ZDHHC7: variants seen among roughly 807,000 people sequenced by gnomAD.
The protein encoded by ZDHHC7 is zDHHC palmitoyltransferase 7, also known as palmitoyltransferase ZDHHC7.
In ZDHHC7, 12 loss-of-function variants were observed where a neutral mutation model predicts 34.1. The ratio of observed to expected loss-of-function variants is 0.35; its 90% CI spans 0.23 to 0.57. The LOEUF (loss-of-function observed/expected upper bound fraction) is 0.57, where lower values mean the gene tolerates loss of function less well. Ranked by LOEUF, ZDHHC7 falls within the 20% of genes least tolerant of loss-of-function variation. The pLI, the probability that ZDHHC7 is intolerant of heterozygous loss-of-function variation, is 0.84. For synonymous variants in ZDHHC7, 185 were observed against 155.4 expected (o/e 1.19, Z -1.42); for missense variants, 388 against 402.7 (o/e 0.96, Z 0.31).
chr16:85,000,124 G>T (rs1400253674), intron 1 of ZDHHC7, among the ~76,000 whole-genome samples: 1 of 152,056 alleles, frequency 6.6e-6, no homozygotes, highest in East Asian at 1.9e-4. Context: ...TGGGCAACAA[G>T]CAAGACCCTG....
Position 84,977,945 on chromosome 16 carries a change from A to G in ZDHHC7, c.598T>C (p.Cys200Arg). ...TTACCAGTCCACTGCCCTCGGACAC[A>G]GGAGATGAACTGAAATCCACAAAGG... ...LILCGFQFISCVRGQWTECSD... is the reference protein window; with the variant it reads ...LILCGFQFISRVRGQWTECSD... Residue 200 changes from cysteine (C) to arginine (R), a missense_variant, in exon 6 of 8, where the codon TGT (cysteine) becomes CGT (arginine). By Grantham distance (180) the Cys-to-Arg change is radical. Coordinates refer to ENST00000313732, the MANE Select transcript of ZDHHC7 (RefSeq NM_017740.3). 1 of 1,614,102 alleles carries G rather than the reference A, an allele frequency of 6.2e-7. No homozygotes were observed. The highest frequency in any genetic ancestry group is 8.5e-7 in the Non-Finnish European group (1 of 1,179,934).
chr16:84,998,142 C>T (rs6564090), intron 1 of ZDHHC7, among the ~76,000 whole-genome samples: 94,733 of 149,020 alleles, frequency 0.64, 32,109 homozygotes, highest in African/African-American at 0.88. Flanking sequence ...CGGGCGCCTG[C>T]AGTCCCAGCT....
chr16:85,017,849 A>G, the ZDHHC7 span, among the ~76,000 whole-genome samples: 2 of 152,192 alleles, frequency 1.3e-5, no homozygotes, highest in African/African-American at 4.8e-5. Context: ...GGCGGACTCA[A>G]AAGTCACGTG....
intron 1 of ZDHHC7, chr16:85,004,891 G>C (rs2072699185): frequency 1.3e-5 from 2 of 148,356 alleles, no homozygotes; most frequent in Non-Finnish European, 3.0e-5. Context: ...GAAAGAGGGA[G>C]ACGGGGGTGA....
intron 1 of ZDHHC7, among the ~76,000 whole-genome samples, chr16:85,010,708 G>A (rs2072779632): frequency 1.3e-5 from 2 of 152,226 alleles, no homozygotes; most frequent in South Asian, 2.1e-4. Flanking sequence ...CAAAGTTGTA[G>A]AAGGAACCAC....
At chr16:84,982,469 G>C (rs1184414929) in intron 3 of ZDHHC7, among the ~76,000 whole-genome samples, 1 of 152,086 alleles carries the variant, frequency 6.6e-6, no homozygotes, top group Admixed American at 6.6e-5. Context: ...TCCCAGACAA[G>C]GGCACTGACT....
chr16:85,011,746 C>T (rs983666590), upstream of ZDHHC7, among the ~76,000 whole-genome samples: 1 of 152,234 alleles, frequency 6.6e-6, no homozygotes, highest in Non-Finnish European at 1.5e-5. Flanking sequence ...GGGCTACGGG[C>T]TGCAGCAGGG....
At position 84,990,269 on chromosome 16, in the gene ZDHHC7, C is replaced by CA. The variant is rs772708949; in HGVS notation, c.315+34dup. Reference sequence around the variant, plus strand: ...ACACCCGAGGACACTAGACCAGACACAAGAGAGCCACCCAGAGACGCAGCC... The same window carrying CA: ...ACACCCGAGGACACTAGACCAGACACAAAGAGAGCCACCCAGAGACGCAGCC... On this transcript the variant is annotated intron_variant, in intron 3 of 7. Transcript: ENST00000313732. 28 of 1,601,642 alleles carry CA rather than the reference C, an allele frequency of 1.7e-5. No individual in the cohort carries two copies. In the African/African-American group the frequency reaches 3.7e-4, roughly 21 times the overall value.
chr16:85,011,052 G>A (rs570050169), intron 1 of ZDHHC7, among the ~76,000 whole-genome samples: 1 of 152,398 alleles, frequency 6.6e-6, no homozygotes, highest in Non-Finnish European at 1.5e-5. Context: ...AAAAGCTGGG[G>A]CTGCAATCCG....
Position 84,976,291 on chromosome 16 carries a change from C to G in ZDHHC7, c.*52G>C. On this transcript the variant is annotated 3_prime_UTR_variant, in exon 8 of 8. Coordinates refer to ENST00000313732, the MANE Select transcript of ZDHHC7 (RefSeq NM_017740.3). The stretch of plus-strand genomic sequence containing the variant: ...TGAGCTGTTGATATCCTTCAGACCC[C>G]AAATAAATAACTGGAAGTCTGTGAG... 6.2e-7 allele frequency: 1 copy of G among 1,605,810 alleles called. No homozygotes were observed. The highest frequency in any genetic ancestry group is 1.8e-5 in the Admixed American group (1 of 57,022).
At chr16:84,994,920 G>C (rs148416066) in intron 2 of ZDHHC7, among the ~76,000 whole-genome samples, 226 of 152,340 alleles carry the variant, frequency 1.5e-3, no homozygotes, top group Non-Finnish European at 2.9e-3. Context: ...GTGTCTCTGA[G>C]TCACTGTATT....
At chr16:84,997,637 G>A (rs961757850) in intron 1 of ZDHHC7, among the ~76,000 whole-genome samples, 5 of 151,046 alleles carry the variant, frequency 3.3e-5, no homozygotes, top group Non-Finnish European at 7.4e-5. Flanking sequence ...GCTCACGCCT[G>A]TAACCCCAGC....
At position 84,990,011 on chromosome 16, in the gene ZDHHC7, T is replaced by C. The variant is rs534126149; in HGVS notation, c.315+293A>G. 3.3e-5 allele frequency among the ~76,000 whole-genome samples: 5 copies of C among 152,142 alleles called. 1 individual carries two copies. Among genetic ancestry groups the C allele is most frequent in the African/African-American group, 1.2e-4 (5 of 41,498 alleles). Reference sequence around the variant, plus strand: ...TCTGTACGATCGGCCCGAATGCCCCTCCCTGATTGAAGGATGTCTCAAAAC... The same window carrying C: ...TCTGTACGATCGGCCCGAATGCCCCCCCCTGATTGAAGGATGTCTCAAAAC... On this transcript the variant is annotated intron_variant, in intron 3 of 7. Coordinates refer to ENST00000313732, the MANE Select transcript of ZDHHC7 (RefSeq NM_017740.3).
At chr16:84,981,307 A>G (rs567375735) in intron 4 of ZDHHC7, among the ~76,000 whole-genome samples, 12 of 152,334 alleles carry the variant, frequency 7.9e-5, no homozygotes, top group African/African-American at 2.4e-4. Context: ...AAAATACAGT[A>G]ACTGGTGTTT....
At chr16:85,005,375 T>C (rs1263263893) in intron 1 of ZDHHC7, among the ~76,000 whole-genome samples, 1 of 152,146 alleles carries the variant, frequency 6.6e-6, no homozygotes, top group Non-Finnish European at 1.5e-5. Context: ...CATAAAACAT[T>C]TGAAGGTGAG....
chr16:85,018,794 A>G, the ZDHHC7 span, among the ~76,000 whole-genome samples: 1 of 151,990 alleles, frequency 6.6e-6, no homozygotes, highest in Non-Finnish European at 1.5e-5. Flanking sequence ...GAGAGAGAGA[A>G]ACTCGCAAAG....
intron 2 of ZDHHC7, among the ~76,000 whole-genome samples, chr16:84,992,566 G>C (rs2072525114): frequency 6.6e-6 from 1 of 152,192 alleles, no homozygotes. Flanking sequence ...TGCTCTGAGA[G>C]TTGTAATATC....
chr16:84,976,688 C>T (rs78010725), intron 7 of ZDHHC7, among the ~76,000 whole-genome samples, 169 bp from the exon 8 acceptor site: 289 of 152,350 alleles, frequency 1.9e-3, no homozygotes, highest in Middle Eastern at 0.01. Context: ...CCTCTGTGAG[C>T]CCAGCCCGGC....
At chr16:84,994,383 C>T (rs1237211683) in intron 2 of ZDHHC7, among the ~76,000 whole-genome samples, 1 of 152,204 alleles carries the variant, frequency 6.6e-6, no homozygotes, top group Non-Finnish European at 1.5e-5. Flanking sequence ...CTGAGCAGAA[C>T]CATTTTGCTT....
Sources: allele counts gnomAD v4.1 joint callset (sites outside exome capture counted in the v4.1 genomes callset), GRCh38; gene constraint gnomAD v4.1.1; transcripts MANE v1.5; gene names NCBI Gene and HGNC (gene_info 2026-07-23, HGNC 2026-07-21).